Variants in UBE2E3 observed in about 807,000 individuals in gnomAD.
UBE2E3 encodes the protein ubiquitin-conjugating enzyme E2 E3.
In UBE2E3, 5 loss-of-function variants were observed where a neutral mutation model predicts 23.6. The ratio of observed to expected loss-of-function variants is 0.21; its 90% CI spans 0.11 to 0.44. UBE2E3 has a LOEUF of 0.44. Among genes scored for constraint, UBE2E3 ranks in the 20% least tolerant of loss-of-function variants. The probability of loss-of-function intolerance (pLI) is 0.99; values close to 1 mark genes in which losing one functional copy is unlikely to be tolerated. For missense variants in UBE2E3, 81 were observed against 249.8 expected (o/e 0.32, Z 4.55); for synonymous variants, 78 against 87.5 (o/e 0.89, Z 0.60).
At position 180,987,367 on chromosome 2, in the gene UBE2E3, C is replaced by G. The variant is rs958514111; in HGVS notation, c.245+3274C>G. On this transcript the variant is annotated intron_variant, in intron 3 of 5. Transcript: ENST00000410062. Reference sequence around the variant, plus strand: ...TGTCCTTGTCCTCTCCTAGTCACCACTTGTGCAAACAGCGAAAGTTTAGAA... The same window carrying G: ...TGTCCTTGTCCTCTCCTAGTCACCAGTTGTGCAAACAGCGAAAGTTTAGAA... 12 of 1,549,928 alleles carry G rather than the reference C, an allele frequency of 7.7e-6. 1 individual carries two copies. The Admixed American group carries it at 2.4e-4, about 30-fold the overall frequency.
At chr2:181,003,525 A>G (rs1340988374) in intron 3 of UBE2E3, among the ~76,000 whole-genome samples, 3 of 152,202 alleles carry the variant, frequency 2.0e-5, no homozygotes, top group East Asian at 1.9e-4. Context: ...ACTTTATTTG[A>G]TATAAATTAA....
intron 3 of UBE2E3, among the ~76,000 whole-genome samples, chr2:181,001,416 C>T (rs1313421057): frequency 6.6e-6 from 1 of 152,002 alleles, no homozygotes; most frequent in African/African-American, 2.4e-5. Context: ...TGCCTTGAGT[C>T]CCAGAAGTCC....
At chr2:181,033,189 C>A (rs1052459107) in intron 3 of UBE2E3, among the ~76,000 whole-genome samples, 2 of 152,168 alleles carry the variant, frequency 1.3e-5, no homozygotes, top group Admixed American at 1.3e-4. Context: ...CTTTAAAGTT[C>A]ATATGGCACC....
intron 3 of UBE2E3, among the ~76,000 whole-genome samples, chr2:181,026,885 T>A (rs1454471805): frequency 6.6e-6 from 1 of 151,960 alleles, no homozygotes; most frequent in Non-Finnish European, 1.5e-5. Flanking sequence ...TAATATTTTG[T>A]GTAATTTCTG....
At chr2:181,062,215 T>C (rs908008006) in intron 5 of UBE2E3, among the ~76,000 whole-genome samples, 4 of 151,674 alleles carry the variant, frequency 2.6e-5, no homozygotes, top group Non-Finnish European at 5.9e-5. Flanking sequence ...ATTCAAATAT[T>C]GTACCATATG....
chr2:180,989,923 T>C (rs1684605472), intron 3 of UBE2E3: 1 of 1,549,584 alleles, frequency 6.5e-7, no homozygotes, highest in Admixed American at 2.0e-5. Flanking sequence ...GACATTCAGA[T>C]TGAGAATGAA....
intron 3 of UBE2E3, among the ~76,000 whole-genome samples, chr2:181,035,484 A>G (rs2105655207): frequency 6.6e-6 from 1 of 152,224 alleles, no homozygotes; most frequent in African/African-American, 2.4e-5. Context: ...TAGATGTATT[A>G]TATATTACTC....
At chr2:181,003,110 C>T (rs1033132649) in intron 3 of UBE2E3, among the ~76,000 whole-genome samples, 2 of 152,206 alleles carry the variant, frequency 1.3e-5, no homozygotes, top group Non-Finnish European at 2.9e-5. Flanking sequence ...ATGTCCTGAA[C>T]ATCACTTTTG....
At position 181,022,926 on chromosome 2, in the gene UBE2E3, A is replaced by G. The variant is rs189046210; in HGVS notation, c.246-34767A>G. Among the ~76,000 whole-genome samples the G allele has an allele frequency of 1.5e-4, 23 of 152,344 alleles. 1 individual carries two copies. The highest frequency in any genetic ancestry group is 5.5e-4 in the African/African-American group (23 of 41,588). ...ATGTCCTTCAACTTACAATGGGGCT[A>G]TGTCCTGATAAGCACTACTGGAAGT... On this transcript the variant is annotated intron_variant, in intron 3 of 5. Coordinates refer to ENST00000410062, the MANE Select transcript of UBE2E3 (RefSeq NM_006357.4).
chr2:181,061,919 T>C (rs1374766883), intron 5 of UBE2E3, among the ~76,000 whole-genome samples: 16 of 151,518 alleles, frequency 1.1e-4, no homozygotes. Context: ...TTTATTAGAG[T>C]ATTGGAAACA....
At chr2:181,029,101 A>G (rs1213116831) in intron 3 of UBE2E3, among the ~76,000 whole-genome samples, 1 of 152,140 alleles carries the variant, frequency 6.6e-6, no homozygotes, top group Non-Finnish European at 1.5e-5. Flanking sequence ...TCCAGTGGCT[A>G]GAGTGCCATC....
chr2:181,039,146 T>A (rs951409143), intron 3 of UBE2E3, among the ~76,000 whole-genome samples: 1 of 149,680 alleles, frequency 6.7e-6, no homozygotes, highest in Non-Finnish European at 1.5e-5. Flanking sequence ...TTTTTTTTTT[T>A]TTGGAAATAG....
intron 1 of UBE2E3, chr2:180,981,197 G>A (rs1425699659): frequency 4.7e-5 from 7 of 150,326 alleles, no homozygotes; most frequent in Admixed American, 4.6e-4. Flanking sequence ...CCGCGGAGCT[G>A]CGTGGCCGCC....
At chr2:181,028,165 T>G (rs1289091485) in intron 3 of UBE2E3, among the ~76,000 whole-genome samples, 2 of 152,130 alleles carry the variant, frequency 1.3e-5, no homozygotes, top group Non-Finnish European at 2.9e-5. Context: ...AATTACCTAT[T>G]AATGTAATTA....
intron 3 of UBE2E3, among the ~76,000 whole-genome samples, chr2:181,056,266 G>A (rs1054413929): frequency 1.3e-5 from 2 of 151,718 alleles, no homozygotes; most frequent in Non-Finnish European, 2.9e-5. Context: ...GTACAGGCAG[G>A]AGAAGAGGCT....
At chr2:181,054,165 C>T (rs2105476523) in intron 3 of UBE2E3, among the ~76,000 whole-genome samples, 1 of 151,890 alleles carries the variant, frequency 6.6e-6, no homozygotes, top group Non-Finnish European at 1.5e-5. Flanking sequence ...CATCTGCATG[C>T]AGAATTTTGT....
intron 3 of UBE2E3, among the ~76,000 whole-genome samples, chr2:181,013,841 C>CTT (rs1261934421): frequency 1.3e-5 from 2 of 152,088 alleles, no homozygotes; most frequent in Non-Finnish European, 2.9e-5. Context: ...GACCATGCCT[C>CTT]TTCATGGAGG....
At chr2:181,036,567 C>T (rs1686292346) in intron 3 of UBE2E3, among the ~76,000 whole-genome samples, 1 of 152,086 alleles carries the variant, frequency 6.6e-6, no homozygotes, top group Non-Finnish European at 1.5e-5. Flanking sequence ...CCTAAATTGT[C>T]CCCACCTGAG....
intron 5 of UBE2E3, among the ~76,000 whole-genome samples, chr2:181,062,175 G>T (rs182924488): frequency 3.3e-5 from 5 of 150,652 alleles, no homozygotes; most frequent in African/African-American, 1.2e-4. Context: ...AAGGAAGATA[G>T]TTTTTTTTTA....
Sources: allele counts gnomAD v4.1 joint callset (sites outside exome capture counted in the v4.1 genomes callset), GRCh38; gene constraint gnomAD v4.1.1; transcripts MANE v1.5; gene names NCBI Gene and HGNC (gene_info 2026-07-23, HGNC 2026-07-21).